The following CCSER1 variants were observed in gnomAD, a reference collection of about 807,000 sequenced individuals.
CCSER1 encodes the protein coiled-coil serine rich protein 1.
A neutral mutation model predicts 82.0 loss-of-function variants in CCSER1; 41 were observed. The observed-to-expected ratio is 0.50, with a 90% CI of 0.39 to 0.65. The LOEUF (loss-of-function observed/expected upper bound fraction) is 0.65, where lower values mean the gene tolerates loss of function less well. Among genes scored for constraint, CCSER1 ranks in the 30% least tolerant of loss-of-function variants. The pLI, the probability that CCSER1 is intolerant of heterozygous loss-of-function variation, is 0.00. For synonymous variants in CCSER1, 414 were observed against 383.9 expected, an observed-to-expected ratio of 1.08 and a Z score of -0.92; for missense variants, 1,119 against 1,064.2, an observed-to-expected ratio of 1.05 and a Z score of -0.72.
intron 10 of CCSER1, among the ~76,000 whole-genome samples, chr4:91,506,890 TAG>T: frequency 6.6e-6 from 1 of 152,148 alleles, no homozygotes; most frequent in East Asian, 1.9e-4. Flanking sequence ...TATGAAAACA[TAG>T]AGTCTGTAGT....
chr4:91,093,255 ATAACT>A (rs946769803), intron 10 of CCSER1, among the ~76,000 whole-genome samples: 31 of 152,200 alleles, frequency 2.0e-4, no homozygotes, highest in Admixed American at 1.3e-4. Flanking sequence ...CCATCCACGT[ATAACT>A]CCCAGTCCAC....
chr4:90,707,539 ATAT>A (rs1235686910), intron 6 of CCSER1, among the ~76,000 whole-genome samples: 23 of 128,932 alleles, frequency 1.8e-4, no homozygotes, highest in South Asian at 1.2e-3. Context: ...TAAAAAAAAA[ATAT>A]ATATATATAT....
At chr4:91,492,019 G>A (rs902672186) in intron 10 of CCSER1, among the ~76,000 whole-genome samples, 21 of 149,958 alleles carry the variant, frequency 1.4e-4, no homozygotes, top group African/African-American at 5.2e-4. Context: ...AAAATAAAGT[G>A]GTATTTATGA....
At chr4:90,153,673 A>G (rs1727374630) in intron 1 of CCSER1, among the ~76,000 whole-genome samples, 3 of 152,190 alleles carry the variant, frequency 2.0e-5, no homozygotes, top group Admixed American at 1.3e-4. Flanking sequence ...TTTTGGCTGC[A>G]TAAATGTCTT....
At chr4:90,356,621 G>A (rs1744417891) in intron 3 of CCSER1, among the ~76,000 whole-genome samples, 1 of 151,584 alleles carries the variant, frequency 6.6e-6, no homozygotes, top group Admixed American at 6.6e-5. Flanking sequence ...ATTAAGTGAG[G>A]TAATAAATTT....
intron 10 of CCSER1, among the ~76,000 whole-genome samples, chr4:91,504,749 A>G (rs906524143): frequency 1.3e-5 from 2 of 152,144 alleles, no homozygotes; most frequent in Non-Finnish European, 2.9e-5. Flanking sequence ...CATTATGAAT[A>G]CAACCAAACA....
intron 3 of CCSER1, among the ~76,000 whole-genome samples, chr4:90,353,039 G>A (rs1743777657): frequency 6.6e-6 from 1 of 152,118 alleles, no homozygotes; most frequent in South Asian, 2.1e-4. Flanking sequence ...ACAAGTGGAA[G>A]ATGTTATGAA....
At chr4:90,953,227 T>A (rs1360346836) in intron 9 of CCSER1, among the ~76,000 whole-genome samples, 1 of 151,988 alleles carries the variant, frequency 6.6e-6, no homozygotes, top group Admixed American at 6.6e-5. Context: ...AAAGTTCTGA[T>A]ATAAATTAGA....
At chr4:90,359,873 A>G (rs1037827966) in intron 3 of CCSER1, among the ~76,000 whole-genome samples, 3 of 111,682 alleles carry the variant, frequency 2.7e-5, no homozygotes, top group South Asian at 7.4e-4. Context: ...GTGTATATAT[A>G]TGTGTGTATA....
chr4:91,462,734 C>T (rs550516722), intron 10 of CCSER1, among the ~76,000 whole-genome samples: 1 of 152,262 alleles, frequency 6.6e-6, no homozygotes, highest in South Asian at 2.1e-4. Context: ...CTCGGAGGGT[C>T]CCACACCCAC....
chr4:91,195,048 T>G (rs949383595), intron 10 of CCSER1, among the ~76,000 whole-genome samples: 1 of 152,182 alleles, frequency 6.6e-6, no homozygotes, highest in Non-Finnish European at 1.5e-5. Context: ...TTGAACTATT[T>G]TAAAATAAAT....
intron 7 of CCSER1, among the ~76,000 whole-genome samples, chr4:90,785,220 T>A (rs1754320915): frequency 6.6e-6 from 1 of 151,992 alleles, no homozygotes; most frequent in South Asian, 2.1e-4. Flanking sequence ...TATTTTTTTA[T>A]GGAGATGGGG....
chr4:90,776,242 G>A (rs1329312143), intron 7 of CCSER1, among the ~76,000 whole-genome samples: 11 of 152,046 alleles, frequency 7.2e-5, no homozygotes, highest in Non-Finnish European at 1.6e-4. Context: ...TAATACACTG[G>A]CAAATCTTAC....
rs890597808 is a variant in CCSER1 at position 90,640,921 on chromosome 4, A to G, written c.1932+12689A>G. ...GTCCTGGGCAGTTCTTTATAGCAGT[A>G]TGAAAACAGACTAATGCAAGGTACT... On this transcript the variant is annotated intron_variant, in intron 6 of 10. Coordinates refer to ENST00000509176, the MANE Select transcript of CCSER1 (RefSeq NM_001145065.2). Among the ~76,000 whole-genome samples, 4 of 152,122 alleles carry G rather than the reference A, an allele frequency of 2.6e-5. No homozygotes were observed. In the South Asian group the frequency reaches 6.2e-4, roughly 24 times the overall value.
intron 10 of CCSER1, among the ~76,000 whole-genome samples, chr4:91,481,674 T>A (rs1025442599): frequency 5.3e-5 from 8 of 152,012 alleles, no homozygotes; most frequent in African/African-American, 1.9e-4. Context: ...AATGGGAGAG[T>A]TTAGCCATTG....
At chr4:91,520,805 C>A (rs1275307337) in intron 10 of CCSER1, among the ~76,000 whole-genome samples, 1 of 152,024 alleles carries the variant, frequency 6.6e-6, no homozygotes, top group Non-Finnish European at 1.5e-5. Flanking sequence ...TGTAAGAGTC[C>A]TGTGTAACAA....
At chr4:91,484,815 C>A (rs1758131963) in intron 10 of CCSER1, among the ~76,000 whole-genome samples, 1 of 152,128 alleles carries the variant, frequency 6.6e-6, no homozygotes, top group Admixed American at 6.5e-5. Flanking sequence ...GACTGGGGTC[C>A]AGTTATCTGT....
At chr4:90,940,987 A>G (rs1397751649) in intron 9 of CCSER1, among the ~76,000 whole-genome samples, 1 of 152,138 alleles carries the variant, frequency 6.6e-6, no homozygotes, top group Non-Finnish European at 1.5e-5. Context: ...CACATATATA[A>G]TTGTGTATTA....
At chr4:90,239,780 C>T (rs546796150) in intron 1 of CCSER1, among the ~76,000 whole-genome samples, 1 of 152,202 alleles carries the variant, frequency 6.6e-6, no homozygotes, top group East Asian at 1.9e-4. Flanking sequence ...TGCCCCAATT[C>T]TGTATTTTTA....
Sources: gnomAD v4.1 joint callset for allele counts (sites outside exome capture counted in the v4.1 genomes callset) on GRCh38, gnomAD v4.1.1 for gene constraint, MANE v1.5 for transcripts, NCBI Gene and HGNC (gene_info 2026-07-23, HGNC 2026-07-21) for gene names.